ZC3H3: variants seen among roughly 807,000 people sequenced by gnomAD.
ZC3H3 encodes the protein zinc finger CCCH domain-containing protein 3.
In ZC3H3, 36 loss-of-function variants were observed where a neutral mutation model predicts 77.3. That is an observed-to-expected ratio of 0.47 (90% confidence interval 0.36 to 0.61). The LOEUF is 0.61. ZC3H3 is among the 20% of genes least tolerant of loss of function. ZC3H3 has a pLI of 0.00. For missense variants in ZC3H3, 1,331 were observed against 1,312.2 expected, an observed-to-expected ratio of 1.01 and a Z score of -0.22; for synonymous variants, 626 against 555.2, an observed-to-expected ratio of 1.13 and a Z score of -1.79.
chr8:143,531,343 A>G (rs1414676247), intron 3 of ZC3H3, among the ~76,000 whole-genome samples: 1 of 152,112 alleles, frequency 6.6e-6, no homozygotes, highest in Non-Finnish European at 1.5e-5. Context: ...CAAGGGGCAC[A>G]CTGACAGCAG....
At chr8:143,477,884 C>G (rs1820782719) in intron 4 of ZC3H3, among the ~76,000 whole-genome samples, 2 of 152,338 alleles carry the variant, frequency 1.3e-5, no homozygotes, top group Middle Eastern at 6.8e-3. Context: ...CATCATACAA[C>G]TGGGGCCAAA....
chr8:143,497,079 C>G (rs1821372782), intron 4 of ZC3H3, among the ~76,000 whole-genome samples: 1 of 152,232 alleles, frequency 6.6e-6, no homozygotes, highest in Non-Finnish European at 1.5e-5. Context: ...GATAAAATAT[C>G]ATATAAACAA....
At chr8:143,523,859 A>G (rs1026193836) in intron 3 of ZC3H3, among the ~76,000 whole-genome samples, 1 of 152,256 alleles carries the variant, frequency 6.6e-6, no homozygotes, top group African/African-American at 2.4e-5. Context: ...GCGGGGCCGC[A>G]GGATGATGGA....
intron 3 of ZC3H3, among the ~76,000 whole-genome samples, chr8:143,512,911 C>T (rs1821916652): frequency 6.6e-6 from 1 of 152,218 alleles, no homozygotes; most frequent in Non-Finnish European, 1.5e-5. Context: ...CCGGGAAGTG[C>T]CCCTCCAGGA....
chr8:143,486,016 C>T (rs1821043293), intron 4 of ZC3H3, among the ~76,000 whole-genome samples: 1 of 152,244 alleles, frequency 6.6e-6, no homozygotes, highest in Non-Finnish European at 1.5e-5. Flanking sequence ...CCTGGGACAG[C>T]TTCCAAAGCT....
rs997732739 is a variant in ZC3H3 at position 143,460,342 on chromosome 8, C to T, written c.2307+5375G>A. On this transcript the variant is annotated intron_variant, in intron 9 of 11. Coordinates refer to ENST00000262577, the MANE Select transcript of ZC3H3 (RefSeq NM_015117.3). This position sits in a 1 kb window ranked among gnomAD's most constrained non-coding sequence, Gnocchi z 4.0. ...AGTAAAATTATCTGTTTGCTGATGACATGATCTTATATGTAAGAAAACCCT... is the reference window on the plus strand; with the variant it reads ...AGTAAAATTATCTGTTTGCTGATGATATGATCTTATATGTAAGAAAACCCT... Among the ~76,000 whole-genome samples, 3 of 152,022 alleles carry T rather than the reference C, an allele frequency of 2.0e-5. No individual in the cohort carries two copies. The highest frequency in any genetic ancestry group is 4.4e-5 in the Non-Finnish European group (3 of 68,036).
chr8:143,483,704 G>A (rs923556828), intron 4 of ZC3H3, among the ~76,000 whole-genome samples: 3 of 152,180 alleles, frequency 2.0e-5, no homozygotes, highest in Non-Finnish European at 2.9e-5. Context: ...CAGGCCTCAC[G>A]ATGGCTATGG....
chr8:143,488,725 A>G (rs1821114818), intron 4 of ZC3H3, among the ~76,000 whole-genome samples: 1 of 152,246 alleles, frequency 6.6e-6, no homozygotes, highest in Non-Finnish European at 1.5e-5. Flanking sequence ...AAATCTCAAG[A>G]GACTGGCAGA....
At chr8:143,540,766 G>C (rs368758216) in intron 1 of ZC3H3, among the ~76,000 whole-genome samples, 1 of 152,044 alleles carries the variant, frequency 6.6e-6, no homozygotes, top group Non-Finnish European at 1.5e-5. Flanking sequence ...GACCATCCTG[G>C]CCAACATGGT....
chr8:143,538,419 G>A lies in ZC3H3; in HGVS notation c.948C>T (p.Ala316=). The change falls in exon 2 of 12, where the codon GCC becomes GCT. Residue 316 remains alanine (A), a synonymous_variant. Coordinates refer to ENST00000262577, the MANE Select transcript of ZC3H3 (RefSeq NM_015117.3). Reference sequence around the variant, plus strand: ...GAGCAACCCGGGGACTCTTCGAGGAGGCAGCCACCCATTTGTAGTTGTTTT... The same window carrying A: ...GAGCAACCCGGGGACTCTTCGAGGAAGCAGCCACCCATTTGTAGTTGTTTT... ...FRKNNYKWVA[A]SSKSPRVARR... 6.2e-7 allele frequency: 1 copy of A among 1,613,240 alleles called. No individual in the cohort carries two copies. Among genetic ancestry groups the A allele is most frequent in the South Asian group, 1.1e-5 (1 of 91,090 alleles).
At chr8:143,463,772 C>T (rs973430689) in intron 9 of ZC3H3, among the ~76,000 whole-genome samples, 1 of 152,162 alleles carries the variant, frequency 6.6e-6, no homozygotes, top group Admixed American at 6.5e-5. Flanking sequence ...CGTGGCAGAC[C>T]CCGCAGGTGT....
At chr8:143,451,700 C>T (rs1819991137) in intron 9 of ZC3H3, among the ~76,000 whole-genome samples, 1 of 151,192 alleles carries the variant, frequency 6.6e-6, no homozygotes. Flanking sequence ...GGGAGAATTG[C>T]TTGAACCCAG....
intron 5 of ZC3H3, among the ~76,000 whole-genome samples, chr8:143,473,895 G>A (rs914654600): frequency 6.6e-6 from 1 of 152,196 alleles, no homozygotes; most frequent in Non-Finnish European, 1.5e-5. Context: ...TCAGGGAAAT[G>A]ACTGCTGGAG....
At position 143,440,963 on chromosome 8, in the gene ZC3H3, C is replaced by T; in HGVS notation, c.2465G>A (p.Ser822Asn). The T allele has an allele frequency of 6.9e-7, 1 of 1,445,002 alleles. No individual in the cohort carries two copies. Among genetic ancestry groups the T allele is most frequent in the Non-Finnish European group, 9.1e-7 (1 of 1,104,670 alleles). The allele number at this position is 1,445,002 out of a possible 1,614,324, so 89.5% of individuals were successfully genotyped here. Reference sequence around the variant, plus strand: ...GGGCCCGTGGCTGGCCGAGACCCTGCTCCTGGCGGTTGCGTCGCTGGGCCC... The same window carrying T: ...GGGCCCGTGGCTGGCCGAGACCCTGTTCCTGGCGGTTGCGTCGCTGGGCCC... ...APGPSDATARSRVSASHGPRK... is the reference protein window; with the variant it reads ...APGPSDATARNRVSASHGPRK... The change falls in exon 10 of 12, where the codon AGC becomes AAC. Residue 822 changes from serine (S) to asparagine (N), a missense_variant. Physicochemically the swap from Ser to Asn is conservative, Grantham distance 46. Transcript: ENST00000262577.
rs765739762 is a variant in ZC3H3, at chr8:143,507,916, G to A, written c.1562-17C>T. On this transcript the variant is annotated splice_polypyrimidine_tract_variant and intron_variant, in intron 3 of 11. Coordinates refer to ENST00000262577, the MANE Select transcript of ZC3H3 (RefSeq NM_015117.3). ...GGCTGGACGCTGTAGAGAAAACCCAGGGCACAGACATGGGTCAGGGAAGGC... is the reference window on the plus strand; with the variant it reads ...GGCTGGACGCTGTAGAGAAAACCCAAGGCACAGACATGGGTCAGGGAAGGC... The A allele has an allele frequency of 8.3e-6, 13 of 1,570,910 alleles. No homozygotes were observed. The highest frequency in any genetic ancestry group is 1.1e-5 in the Non-Finnish European group (13 of 1,153,036).
chr8:143,489,043 A>AC (rs995985004), intron 4 of ZC3H3, among the ~76,000 whole-genome samples: 3 of 151,912 alleles, frequency 2.0e-5, no homozygotes, highest in African/African-American at 7.3e-5. Flanking sequence ...GGCAGCGCTG[A>AC]CCCCCAGGAC....
At position 143,490,252 on chromosome 8, in the gene ZC3H3, C is replaced by A. The variant is rs541787088; in HGVS notation, c.1716-14667G>T. 5.3e-4 allele frequency among the ~76,000 whole-genome samples: 81 copies of A among 152,338 alleles called. 2 individuals are homozygous for A. Among genetic ancestry groups the A allele is most frequent in the African/African-American group, 1.6e-3 (66 of 41,584 alleles). On this transcript the variant is annotated intron_variant, in intron 4 of 11. Coordinates refer to ENST00000262577, the MANE Select transcript of ZC3H3 (RefSeq NM_015117.3). Reference sequence around the variant, plus strand: ...GCAGGAGTCTCACCCACGGTCCCATCTCTGAGGGCCCACATAGCAATACAA... The same window carrying A: ...GCAGGAGTCTCACCCACGGTCCCATATCTGAGGGCCCACATAGCAATACAA...
intron 3 of ZC3H3, among the ~76,000 whole-genome samples, chr8:143,512,196 G>A (rs575879982): frequency 3.9e-5 from 6 of 152,360 alleles, no homozygotes; most frequent in Middle Eastern, 3.4e-3. Flanking sequence ...CCACTGCAGC[G>A]CTGCCCAGGG....
At chr8:143,452,305 G>A (rs753193036) in intron 9 of ZC3H3, among the ~76,000 whole-genome samples, 3 of 152,184 alleles carry the variant, frequency 2.0e-5, no homozygotes, top group Non-Finnish European at 4.4e-5. Context: ...CCAAGGCAGG[G>A]AGGGAAGGTT....
Sources: gnomAD v4.1 joint callset for allele counts (sites outside exome capture counted in the v4.1 genomes callset) on GRCh38, gnomAD v4.1.1 for gene constraint, Gnocchi (gnomAD v3.1) non-coding constraint, MANE v1.5 for transcripts, NCBI Gene and HGNC (gene_info 2026-07-23, HGNC 2026-07-21) for gene names.